The following DSTN variants were observed in gnomAD, a reference collection of about 807,000 sequenced individuals.
DSTN encodes destrin, actin depolymerizing factor, also known as destrin.
A neutral mutation model predicts 16.8 loss-of-function variants in DSTN; 10 were observed. The observed-to-expected ratio is 0.60, with a 90% CI of 0.37 to 1.01. DSTN has a LOEUF of 1.01. Among genes scored for constraint, DSTN ranks in the 50% least tolerant of loss-of-function variants. The probability of loss-of-function intolerance (pLI) is 0.01; values close to 1 mark genes in which losing one functional copy is unlikely to be tolerated. For synonymous variants in DSTN, 57 were observed against 58.9 expected (o/e 0.97, Z 0.14); for missense variants, 141 against 196.7 (o/e 0.72, Z 1.69).
chr20:17,601,324 G>T lies in DSTN; in HGVS notation c.311+279G>T, dbSNP rs139152501. On this transcript the variant is annotated intron_variant, in intron 2 of 3. Coordinates refer to ENST00000246069, the MANE Select transcript of DSTN (RefSeq NM_006870.4). ...TCCTCTGAATGTACTGCTTTTATAG[G>T]CTAAAATTTCCTACTACTTTTAACT... Among the ~76,000 whole-genome samples the T allele has an allele frequency of 1.7e-3, 260 of 150,032 alleles. 10 individuals are homozygous for T. The East Asian group carries it at 0.041, about 23-fold the overall frequency.
At position 17,593,353 on chromosome 20, in the gene DSTN, T is replaced by C. The variant is rs118087126; in HGVS notation, c.4-7385T>C. Among the ~76,000 whole-genome samples the C allele has an allele frequency of 8.9e-3, 1,355 of 152,368 alleles. 15 individuals carry two copies. Among genetic ancestry groups the C allele is most frequent in the Non-Finnish European group, 9.7e-3 (657 of 68,034 alleles). On this transcript the variant is annotated intron_variant, in intron 1 of 3. Transcript: ENST00000246069. ...TCTTCTCCATAAGTCAAACTAATGATTCATCTGACTGATCTTTGATTTTTT... is the reference window on the plus strand; with the variant it reads ...TCTTCTCCATAAGTCAAACTAATGACTCATCTGACTGATCTTTGATTTTTT...
At chr20:17,578,062 G>A (rs1466917674) in intron 1 of DSTN, among the ~76,000 whole-genome samples, 1 of 152,210 alleles carries the variant, frequency 6.6e-6, no homozygotes, top group East Asian at 1.9e-4. Flanking sequence ...TTTGTGAGTT[G>A]GCCTACTTAA....
At chr20:17,593,910 C>T (rs1338150630) in intron 1 of DSTN, among the ~76,000 whole-genome samples, 3 of 130,728 alleles carry the variant, frequency 2.3e-5, no homozygotes, top group African/African-American at 9.5e-5. Flanking sequence ...GGGACCTTGT[C>T]TCTACAAAAA....
chr20:17,586,313 G>A (rs192038520), intron 1 of DSTN, among the ~76,000 whole-genome samples: 26 of 152,274 alleles, frequency 1.7e-4, no homozygotes, highest in African/African-American at 4.1e-4. Context: ...AACTTGCAGC[G>A]TCTCCAAGGT....
chr20:17,581,809 T>G (rs1390609288), intron 1 of DSTN, among the ~76,000 whole-genome samples: 2 of 152,220 alleles, frequency 1.3e-5, no homozygotes, highest in East Asian at 3.8e-4. Flanking sequence ...TTCAAAAGTT[T>G]TATAAATCTT....
intron 1 of DSTN, chr20:17,592,027 G>A: frequency 1.0e-6 from 1 of 985,442 alleles, no homozygotes; most frequent in Non-Finnish European, 1.2e-6. Flanking sequence ...TTTAGAAGAA[G>A]GTCAGAGCCC....
chr20:17,593,855 A>G (rs2035496826), intron 1 of DSTN, among the ~76,000 whole-genome samples: 1 of 152,122 alleles, frequency 6.6e-6, no homozygotes, highest in Non-Finnish European at 1.5e-5. Context: ...AAGGCAGGAC[A>G]ATAGCTTGAG....
chr20:17,595,601 A>G lies in DSTN; in HGVS notation c.4-5137A>G, dbSNP rs548598164. 1.1e-4 allele frequency among the ~76,000 whole-genome samples: 17 copies of G among 152,148 alleles called. No homozygotes were observed. The East Asian group carries it at 3.3e-3, about 29-fold the overall frequency. Reference sequence around the variant, plus strand: ...GCCATTGCACTCCAGCCTGGATGACAAGAGCGAACGTCCATCTGGAAAAAA... The same window carrying G: ...GCCATTGCACTCCAGCCTGGATGACGAGAGCGAACGTCCATCTGGAAAAAA... On this transcript the variant is annotated intron_variant, in intron 1 of 3. Transcript: ENST00000246069.
intron 3 of DSTN, chr20:17,605,027 C>A: frequency 4.4e-6 from 2 of 457,450 alleles, no homozygotes; most frequent in East Asian, 6.9e-5. Context: ...AGGAAATGTA[C>A]CTAAATGAGA....
chr20:17,596,407 G>A (rs1361782537), intron 1 of DSTN, among the ~76,000 whole-genome samples: 1 of 152,124 alleles, frequency 6.6e-6, no homozygotes, highest in African/African-American at 2.4e-5. Flanking sequence ...GTCTTGCACA[G>A]TCTTCAGAGT....
chr20:17,582,307 C>T (rs1370807622), intron 1 of DSTN, among the ~76,000 whole-genome samples: 3 of 152,118 alleles, frequency 2.0e-5, no homozygotes, highest in Non-Finnish European at 4.4e-5. Flanking sequence ...TCTCAAACTC[C>T]TGACCTCATG....
chr20:17,574,819 CCTTTTTTTCCTTT>C (rs1382268197), intron 1 of DSTN, among the ~76,000 whole-genome samples: 2 of 146,208 alleles, frequency 1.4e-5, no homozygotes, highest in Non-Finnish European at 3.0e-5. Flanking sequence ...CCTTTCCTTT[CCTTTTTTTCCTTT>C]CTTTTTTCTT....
chr20:17,590,982 C>G (rs1365555735), intron 1 of DSTN, among the ~76,000 whole-genome samples: 7 of 152,094 alleles, frequency 4.6e-5, no homozygotes, highest in Admixed American at 4.6e-4. Context: ...GTGGTGTTTG[C>G]CTGTAGTCCC....
intron 1 of DSTN, among the ~76,000 whole-genome samples, chr20:17,579,568 G>C (rs1040066565): frequency 2.6e-5 from 4 of 152,158 alleles, no homozygotes; most frequent in African/African-American, 9.7e-5. Context: ...GGACGACAGA[G>C]CAAGACCCTG....
chr20:17,595,503 A>C (rs948662573), intron 1 of DSTN, among the ~76,000 whole-genome samples: 2 of 151,902 alleles, frequency 1.3e-5, no homozygotes, highest in Admixed American at 6.6e-5. Flanking sequence ...TGTTAATTTT[A>C]TGAGTGATTA....
intron 1 of DSTN, among the ~76,000 whole-genome samples, chr20:17,592,635 C>A (rs970618051): frequency 6.6e-6 from 1 of 151,830 alleles, no homozygotes; most frequent in Non-Finnish European, 1.5e-5. Flanking sequence ...TGTTACTAGT[C>A]ATGAAGAGCC....
At chr20:17,571,293 A>G (rs2035204135) in intron 1 of DSTN, among the ~76,000 whole-genome samples, 1 of 152,248 alleles carries the variant, frequency 6.6e-6, no homozygotes. Flanking sequence ...GCATCTGTCT[A>G]GAAGCAGTTG....
chr20:17,570,330 C>G (rs1006100961), intron 1 of DSTN, 119 bp downstream of exon 1: 2 of 1,300,580 alleles, frequency 1.5e-6, no homozygotes, highest in Non-Finnish European at 2.0e-6. Context: ...GGGACCCGGT[C>G]CGGCTGCAGT....
intron 1 of DSTN, among the ~76,000 whole-genome samples, chr20:17,586,947 T>G (rs2122181489): frequency 6.6e-6 from 1 of 152,310 alleles, no homozygotes; most frequent in African/African-American, 2.4e-5. Flanking sequence ...CACTTTCTCC[T>G]CTGGTTAAAA....
Sources: gnomAD v4.1 joint callset for allele counts (sites outside exome capture counted in the v4.1 genomes callset) on GRCh38, gnomAD v4.1.1 for gene constraint, MANE v1.5 for transcripts, NCBI Gene and HGNC (gene_info 2026-07-23, HGNC 2026-07-21) for gene names.